FREM3: variants seen among roughly 807,000 people sequenced by gnomAD.
FREM3 encodes the protein FRAS1-related extracellular matrix protein 3.
Under a neutral mutation model 129.1 loss-of-function variants are expected in FREM3, and 105 were observed. That is an observed-to-expected ratio of 0.81 (90% confidence interval 0.69 to 0.96). The LOEUF is 0.96. Among genes scored for constraint, FREM3 ranks in the 40% least tolerant of loss-of-function variants. FREM3 has a pLI of 0.00. For synonymous variants in FREM3, 1,014 were observed against 1,044.9 expected, an observed-to-expected ratio of 0.97 and a Z score of 0.57; for missense variants, 2,593 against 2,666.3, an observed-to-expected ratio of 0.97 and a Z score of 0.61.
chr4:143,631,009 A>G (rs545927201), intron 2 of FREM3, among the ~76,000 whole-genome samples: 1 of 152,288 alleles, frequency 6.6e-6, no homozygotes, highest in South Asian at 2.1e-4. Context: ...AGAAGTCAAA[A>G]TAATGGTGAT....
rs531261560 is a variant in FREM3, at chr4:143,696,803, G to C, written c.3873C>G (p.Thr1291=). Residue 1291 remains threonine, a synonymous_variant, in exon 1 of 8, where the codon ACC becomes ACG. Transcript: ENST00000329798. Reference sequence around the variant, plus strand: ...TCACTACAATGGGTACCTTCCTGTGGGTTGTGTGCTTGCCGTCACTCAGCC... The same window carrying C: ...TCACTACAATGGGTACCTTCCTGTGCGTTGTGTGCTTGCCGTCACTCAGCC... The part of the protein sequence containing the change: ...EVWLSDGKHT[T]HRKVPIVVTL... The C allele has an allele frequency of 2.0e-6, 3 of 1,537,724 alleles. No homozygotes were observed.
intron 7 of FREM3, among the ~76,000 whole-genome samples, chr4:143,584,233 C>A (rs1462806688): frequency 6.6e-6 from 1 of 151,830 alleles, no homozygotes; most frequent in Non-Finnish European, 1.5e-5. Flanking sequence ...CAAGGTGAAA[C>A]CCTGTCTCTA....
intron 2 of FREM3, among the ~76,000 whole-genome samples, chr4:143,644,196 TGTGTGC>T (rs972176325): frequency 6.6e-6 from 1 of 152,078 alleles, no homozygotes. Flanking sequence ...TGTGTGTGTG[TGTGTGC>T]GCGTGTGCAT....
At chr4:143,614,102 G>A (rs1046340658) in intron 5 of FREM3, among the ~76,000 whole-genome samples, 4 of 152,118 alleles carry the variant, frequency 2.6e-5, no homozygotes, top group Non-Finnish European at 4.4e-5. Flanking sequence ...ATCATTTGGC[G>A]ATTGAACTCT....
intron 7 of FREM3, among the ~76,000 whole-genome samples, chr4:143,582,859 C>A (rs956258309): frequency 6.6e-6 from 1 of 150,966 alleles, no homozygotes; most frequent in African/African-American, 2.4e-5. Flanking sequence ...TTTCATAATA[C>A]GATTGAAAAT....
At chr4:143,664,841 A>T (rs1363120691) in intron 2 of FREM3, among the ~76,000 whole-genome samples, 2 of 152,034 alleles carry the variant, frequency 1.3e-5, no homozygotes, top group Non-Finnish European at 2.9e-5. Flanking sequence ...TTGATCTCAG[A>T]CTGCCGTGCT....
chr4:143,650,512 T>C (rs994396038), intron 2 of FREM3, among the ~76,000 whole-genome samples: 2 of 152,196 alleles, frequency 1.3e-5, no homozygotes, highest in East Asian at 1.9e-4. Context: ...TTATTTATTA[T>C]AGAGACCTTG....
chr4:143,625,564 G>A (rs1739024253), intron 3 of FREM3, among the ~76,000 whole-genome samples: 1 of 152,180 alleles, frequency 6.6e-6, no homozygotes, highest in East Asian at 1.9e-4. Flanking sequence ...TTTAGGAAGA[G>A]CCTCCTTTGG....
At chr4:143,601,506 C>A (rs1489999942) in intron 6 of FREM3, among the ~76,000 whole-genome samples, 1 of 152,108 alleles carries the variant, frequency 6.6e-6, no homozygotes, top group Non-Finnish European at 1.5e-5. Flanking sequence ...GAAAGAAAGT[C>A]TTTACTAGTT....
chr4:143,641,908 A>G (rs1739326243), intron 2 of FREM3, among the ~76,000 whole-genome samples: 1 of 152,190 alleles, frequency 6.6e-6, no homozygotes, highest in Admixed American at 6.6e-5. Context: ...CTTAAGGAAA[A>G]TAGAACTGGG....
At chr4:143,693,239 G>A (rs993141700) in intron 1 of FREM3, 37 bp from the exon 2 acceptor site, 10 of 1,102,548 alleles carry the variant, frequency 9.1e-6, no homozygotes, top group Non-Finnish European at 1.3e-5. Flanking sequence ...AGTCATATTG[G>A]CACAAATGAA....
chr4:143,612,797 A>G (rs181618668), intron 5 of FREM3, among the ~76,000 whole-genome samples: 1 of 152,350 alleles, frequency 6.6e-6, no homozygotes, highest in East Asian at 1.9e-4. Context: ...AACAAAGACT[A>G]TGAAATAATA....
chr4:143,652,688 A>C (rs1428147694), intron 2 of FREM3, among the ~76,000 whole-genome samples: 1 of 152,146 alleles, frequency 6.6e-6, no homozygotes, highest in Admixed American at 6.5e-5. Context: ...GCTGGAGTAC[A>C]GTGCGATCTC....
intron 6 of FREM3, among the ~76,000 whole-genome samples, chr4:143,587,618 G>A (rs576075986): frequency 1.3e-5 from 2 of 152,240 alleles, no homozygotes; most frequent in South Asian, 4.2e-4. Flanking sequence ...ATGCCTCCAC[G>A]GTTGGGACAG....
rs146237132 is a variant in FREM3 at position 143,577,522 on chromosome 4, T to C, written c.*89A>G. ...CAATGACAGTACAATATCACTGATA[T>C]CCCAGAATTGCTAAGATCTATAAAC... On this transcript the variant is annotated 3_prime_UTR_variant, in exon 8 of 8. Coordinates refer to ENST00000329798, the MANE Select transcript of FREM3 (RefSeq NM_001168235.2). The C allele has an allele frequency of 1.6e-3, 2,017 of 1,246,104 alleles. 30 individuals are homozygous for C. The African/African-American group carries it at 0.027, about 17-fold the overall frequency. The allele number at this position is 1,246,104 out of a possible 1,614,324, so 77.2% of individuals were successfully genotyped here.
intron 2 of FREM3, among the ~76,000 whole-genome samples, chr4:143,629,576 A>G (rs1739101845): frequency 6.6e-6 from 1 of 152,120 alleles, no homozygotes; most frequent in Non-Finnish European, 1.5e-5. Context: ...TTTAAAAACC[A>G]TATTTTTTAC....
chr4:143,663,602 T>G, intron 2 of FREM3, among the ~76,000 whole-genome samples: 1 of 152,096 alleles, frequency 6.6e-6, no homozygotes, highest in Non-Finnish European at 1.5e-5. Flanking sequence ...TGTGGCATTC[T>G]CTGTATTTCC....
chr4:143,655,584 C>T (rs1739586047), intron 2 of FREM3, among the ~76,000 whole-genome samples: 1 of 152,204 alleles, frequency 6.6e-6, no homozygotes, highest in Non-Finnish European at 1.5e-5. Flanking sequence ...ACTTGTGAAA[C>T]AAAAGGCAGC....
intron 2 of FREM3, among the ~76,000 whole-genome samples, chr4:143,657,180 T>G (rs1388670151): frequency 6.6e-6 from 1 of 152,228 alleles, no homozygotes; most frequent in Non-Finnish European, 1.5e-5. Flanking sequence ...TTAAACTGTT[T>G]CTGCAACACA....
Sources: gnomAD v4.1 joint callset for allele counts (sites outside exome capture counted in the v4.1 genomes callset) on GRCh38, gnomAD v4.1.1 for gene constraint, MANE v1.5 for transcripts, NCBI Gene and HGNC (gene_info 2026-07-23, HGNC 2026-07-21) for gene names.